PCNX4: variants seen among roughly 807,000 people sequenced by gnomAD.
PCNX4 encodes the protein pecanex 4.
A neutral mutation model predicts 107.2 loss-of-function variants in PCNX4; 103 were observed. The ratio of observed to expected loss-of-function variants is 0.96; its 90% CI spans 0.82 to 1.13. The LOEUF is 1.13. PCNX4 is among the 50% of genes most tolerant of loss of function. The probability of loss-of-function intolerance (pLI) is 0.00; values close to 1 mark genes in which losing one functional copy is unlikely to be tolerated. For synonymous variants in PCNX4, 541 were observed against 481.7 expected (o/e 1.12, Z -1.61); for missense variants, 1,528 against 1,379.4 (o/e 1.11, Z -1.71).
chr14:60,114,608 A>G, intron 2 of PCNX4, 92 bp from the exon 3 acceptor site: 4 of 1,000,402 alleles, frequency 4.0e-6, no homozygotes, highest in Non-Finnish European at 2.9e-6. Flanking sequence ...TTTGGAAGGG[A>G]GTGTGTTGTT....
chr14:60,118,358 G>T lies in PCNX4; in HGVS notation c.1608G>T (p.Gln536His), dbSNP rs757648965. The T allele has an allele frequency of 6.2e-7, 1 of 1,612,348 alleles. No individual in the cohort carries two copies. Among genetic ancestry groups the T allele is most frequent in the East Asian group, 2.2e-5 (1 of 44,870 alleles). Reference protein sequence around the residue: ...LVGIIRDRLIQFISKLQFAVT... With the variant: ...LVGIIRDRLIHFISKLQFAVT... ...GTATCATACGTGATCGTTTGATTCA[G>T]TTCATCTCTAAATTGCAGTTTGCCG... Residue 536 changes from glutamine to histidine, a missense_variant, in exon 7 of 11, where the codon CAG becomes CAT. Coordinates refer to ENST00000406854, the MANE Select transcript of PCNX4 (RefSeq NM_001330177.2).
At position 60,143,187 on chromosome 14, in the gene PCNX4, AAGGCCC is replaced by A. The variant is rs1448821423; in HGVS notation, c.*8969_*8974del. The A allele has an allele frequency of 6.6e-6, 1 of 152,190 alleles. No homozygotes were observed. Among genetic ancestry groups the A allele is most frequent in the Non-Finnish European group, 1.5e-5 (1 of 68,060 alleles). 9.4% of individuals were successfully genotyped at this position (152,190 alleles called of 1,614,324 possible). On this transcript the variant is annotated 3_prime_UTR_variant, in exon 11 of 11. Coordinates refer to ENST00000406854, the MANE Select transcript of PCNX4 (RefSeq NM_001330177.2). The stretch of plus-strand genomic sequence containing the variant: ...TCATCTGTCTAAATTCCTTTCTTTC[AAGGCCC>A]AGTGCAAGTGACACCTTCATCAGGA...
At chr14:60,130,530 T>C (rs1896135619) in intron 10 of PCNX4, among the ~76,000 whole-genome samples, 1 of 152,106 alleles carries the variant, frequency 6.6e-6, no homozygotes. Context: ...CAAGAATGTC[T>C]ACCCTTACCA....
At chr14:60,103,672 C>T (rs1895575449) in intron 1 of PCNX4, among the ~76,000 whole-genome samples, 1 of 152,204 alleles carries the variant, frequency 6.6e-6, no homozygotes, top group Non-Finnish European at 1.5e-5. Flanking sequence ...TACTGTTCTA[C>T]CTCTGCCCTT....
At chr14:60,093,290 A>G (rs965115283) in intron 1 of PCNX4, among the ~76,000 whole-genome samples, 15 of 152,174 alleles carry the variant, frequency 9.9e-5, no homozygotes, top group African/African-American at 3.6e-4. Context: ...ACCACAGTCA[A>G]GTTTGGAACA....
intron 10 of PCNX4, among the ~76,000 whole-genome samples, chr14:60,131,897 T>C (rs968857138): frequency 9.2e-5 from 14 of 152,230 alleles, no homozygotes; most frequent in African/African-American, 3.4e-4. Flanking sequence ...CATGGGTCTT[T>C]AGCCAGCTAA....
rs1895661218 is a variant in PCNX4, at chr14:60,107,953, A to G, written c.315A>G (p.Leu105=). The change falls in exon 2 of 11, where the codon CTA becomes CTG. Residue 105 remains leucine (L), a synonymous_variant. Transcript: ENST00000406854. Reference sequence around the variant, plus strand: ...AATCAACAACAGTAGAAAGAATACTAACCACGGATATCTTAGCAGAGGAGG... The same window carrying G: ...AATCAACAACAGTAGAAAGAATACTGACCACGGATATCTTAGCAGAGGAGG... ...KNKSTTVERI[L]TTDILAEEDE... 1.2e-6 allele frequency: 2 copies of G among 1,612,876 alleles called. No homozygotes were observed. Among genetic ancestry groups the G allele is most frequent in the Non-Finnish European group, 1.7e-6 (2 of 1,179,888 alleles).
rs751467750 is a variant in PCNX4 at position 60,107,739 on chromosome 14, A to G, written c.101A>G (p.Tyr34Cys). The G allele has an allele frequency of 8.1e-6, 13 of 1,612,648 alleles. No individual in the cohort carries two copies. Among genetic ancestry groups the G allele is most frequent in the South Asian group, 1.1e-5 (1 of 91,082 alleles). ...VLGGPRFKLG[Y>C]CAPPYIYVNQ... is the part of the protein sequence containing the mutation. The stretch of plus-strand genomic sequence containing the variant: ...GGAGGCCCTCGATTCAAATTAGGCT[A>G]TTGTGCCCCTCCTTACATATATGTT... Residue 34 changes from tyrosine (Y) to cysteine (C), a missense_variant, in exon 2 of 11, where the codon TAT (tyrosine) becomes TGT (cysteine). Tyr to Cys is a radical substitution (Grantham distance 194). Transcript: ENST00000406854.
intron 5 of PCNX4, 21 bp downstream of exon 5, chr14:60,115,840 A>G (rs1189740186): frequency 1.2e-6 from 2 of 1,600,326 alleles, no homozygotes; most frequent in African/African-American, 1.3e-5. Context: ...TATGTGTTTA[A>G]TAGTATTTTC....
intron 1 of PCNX4, among the ~76,000 whole-genome samples, chr14:60,101,383 T>G (rs764039011): frequency 6.6e-6 from 1 of 152,200 alleles, no homozygotes; most frequent in Non-Finnish European, 1.5e-5. Flanking sequence ...TCGGCTTTTT[T>G]CATCAACAAT....
intron 10 of PCNX4, among the ~76,000 whole-genome samples, chr14:60,128,136 C>T (rs1002026581): frequency 2.0e-5 from 3 of 151,330 alleles, no homozygotes; most frequent in Admixed American, 6.6e-5. Flanking sequence ...CACTTAGTAT[C>T]GGAAGGAGAG....
At position 60,142,391 on chromosome 14, in the gene PCNX4, T is replaced by G. The variant is rs533854141; in HGVS notation, c.*8170T>G. 5.9e-5 allele frequency: 9 copies of G among 152,218 alleles called. No individual in the cohort carries two copies. Among genetic ancestry groups the G allele is most frequent in the Non-Finnish European group, 1.2e-4 (8 of 68,046 alleles). The allele number at this position is 152,218 out of a possible 1,614,324, so 9.4% of individuals were successfully genotyped here. ...AACGAAAGCCGTCACTTCTGCTAAC[T>G]CTTTTACCAACTCACCTGCTGTCAC... On this transcript the variant is annotated 3_prime_UTR_variant, in exon 11 of 11. Coordinates refer to ENST00000406854, the MANE Select transcript of PCNX4 (RefSeq NM_001330177.2). This position sits in a 1 kb window ranked among gnomAD's most constrained non-coding sequence, Gnocchi z 4.7.
intron 1 of PCNX4, among the ~76,000 whole-genome samples, chr14:60,106,293 C>T (rs932112331): frequency 1.3e-5 from 2 of 152,124 alleles, no homozygotes; most frequent in Non-Finnish European, 2.9e-5. Context: ...TACACACTTC[C>T]TCCCTGTACT....
rs903223415 is a variant in PCNX4 at position 60,092,355 on chromosome 14, G to C, written c.-118G>C. 1 of 152,276 alleles carries C rather than the reference G, an allele frequency of 6.6e-6. No homozygotes were observed. The highest frequency in any genetic ancestry group is 1.5e-5 in the Non-Finnish European group (1 of 68,058). 9.4% of individuals were successfully genotyped at this position (152,276 alleles called of 1,614,324 possible). On this transcript the variant is annotated 5_prime_UTR_variant, in exon 1 of 11. Coordinates refer to ENST00000406854, the MANE Select transcript of PCNX4 (RefSeq NM_001330177.2). ...CTCCCGGCGGGAGCGCCCAGCCCGAGTTTACCTGCAAAAATGCGGTCCCTG... is the reference window on the plus strand; with the variant it reads ...CTCCCGGCGGGAGCGCCCAGCCCGACTTTACCTGCAAAAATGCGGTCCCTG...
Position 60,124,806 on chromosome 14 carries a change from G to T in PCNX4, c.2635G>T (p.Val879Phe), listed in dbSNP as rs536730543. ...TVPENDLYKAVLLGYPAVDKG... is the reference protein window; with the variant it reads ...TVPENDLYKAFLLGYPAVDKG... ...TCCTGAAAACGATCTTTACAAAGCA[G>T]TTCTATTAGGATACCCTGCTGTTGA... The change falls in exon 9 of 11, where the codon GTT (valine) becomes TTT (phenylalanine). Residue 879 changes from valine to phenylalanine, a missense_variant. Coordinates refer to ENST00000406854, the MANE Select transcript of PCNX4 (RefSeq NM_001330177.2). The T allele has an allele frequency of 1.2e-6, 2 of 1,613,718 alleles. No individual in the cohort carries two copies. The highest frequency in any genetic ancestry group is 1.7e-6 in the Non-Finnish European group (2 of 1,179,790).
Position 60,141,081 on chromosome 14 carries a change from T to G in PCNX4, c.*6860T>G, listed in dbSNP as rs1435201067. ...CCTTCCTGAAAGAGTCTGCTTTTAC[T>G]CTATTCTTGTGGTAGACAAAGTCTC... On this transcript the variant is annotated 3_prime_UTR_variant, in exon 11 of 11. Transcript: ENST00000406854. 2 of 152,254 alleles carry G rather than the reference T, an allele frequency of 1.3e-5. No individual in the cohort carries two copies. Among genetic ancestry groups the G allele is most frequent in the Non-Finnish European group, 2.9e-5 (2 of 68,048 alleles). 9.4% of individuals were successfully genotyped at this position (152,254 alleles called of 1,614,324 possible).
At chr14:60,129,544 C>A (rs577330879) in intron 10 of PCNX4, among the ~76,000 whole-genome samples, 1 of 152,162 alleles carries the variant, frequency 6.6e-6, no homozygotes, top group African/African-American at 2.4e-5. Flanking sequence ...TGGAGCAAGA[C>A]CCTGTCTCTG....
Position 60,136,425 on chromosome 14 carries a change from A to C in PCNX4, c.*2204A>C, listed in dbSNP as rs1896241000. On this transcript the variant is annotated 3_prime_UTR_variant, in exon 11 of 11. Transcript: ENST00000406854. ...TTGAAATATCATCAATAAATTGATG[A>C]TGATCAAATATATGTACCTAACCCA... The C allele has an allele frequency of 6.6e-6, 1 of 152,184 alleles. No homozygotes were observed. Among genetic ancestry groups the C allele is most frequent in the Non-Finnish European group, 1.5e-5 (1 of 68,028 alleles). 9.4% of individuals were successfully genotyped at this position (152,184 alleles called of 1,614,324 possible).
chr14:60,129,329 G>A (rs1481779413), intron 10 of PCNX4, among the ~76,000 whole-genome samples: 1 of 151,946 alleles, frequency 6.6e-6, no homozygotes, highest in Non-Finnish European at 1.5e-5. Context: ...AAGGCAGGAG[G>A]ATTGCTTTGA....
Sources: allele counts gnomAD v4.1 joint callset (sites outside exome capture counted in the v4.1 genomes callset), GRCh38; gene constraint gnomAD v4.1.1; non-coding constraint Gnocchi (gnomAD v3.1); transcripts MANE v1.5; gene names NCBI Gene and HGNC (gene_info 2026-07-23, HGNC 2026-07-21).